IL15RA: variants seen among roughly 807,000 people sequenced by gnomAD.
The protein encoded by IL15RA is interleukin 15 receptor subunit alpha.
In IL15RA, 26 loss-of-function variants were observed where a neutral mutation model predicts 24.2. The observed-to-expected ratio is 1.07, with a 90% CI of 0.79 to 1.49. The LOEUF is 1.49. Among genes scored for constraint, IL15RA ranks in the 40% most tolerant of loss-of-function variants. The pLI, the probability that IL15RA is intolerant of heterozygous loss-of-function variation, is 0.00. For missense variants in IL15RA, 354 were observed against 356.4 expected, an observed-to-expected ratio of 0.99 and a Z score of 0.05; for synonymous variants, 166 against 157.6, an observed-to-expected ratio of 1.05 and a Z score of -0.40.
Position 5,966,066 on chromosome 10 carries a change from C to T in IL15RA, c.283+79G>A. ...CAGACCTCAGCACAGATCCCTTGAC[C>T]CCTGAGATGGGGTCTTCTCTCTGTG... On this transcript the variant is annotated intron_variant, in intron 2 of 6. Transcript: ENST00000379977. This position sits in a 1 kb window ranked among gnomAD's most constrained non-coding sequence, Gnocchi z 6.4. 9.7e-7 allele frequency: 1 copy of T among 1,027,848 alleles called. No individual in the cohort carries two copies. Among genetic ancestry groups the T allele is most frequent in the Non-Finnish European group, 1.5e-6 (1 of 676,860 alleles). 63.7% of individuals were successfully genotyped at this position (1,027,848 alleles called of 1,614,324 possible).
In IL15RA at chr10:5,965,198, T is replaced by G. The variant is rs949966612; in HGVS notation, c.283+947A>C. 6.6e-6 allele frequency among the ~76,000 whole-genome samples: 1 copy of G among 150,962 alleles called. No homozygotes were observed. Among genetic ancestry groups the G allele is most frequent in the Non-Finnish European group, 1.5e-5 (1 of 67,786 alleles). ...TCCCACCCGAGATGGTTTGGCTGCT[T>G]CTGGGACGTTTATCCAGGTGCAGAC... On this transcript the variant is annotated intron_variant, in intron 2 of 6. Transcript: ENST00000379977. This position sits in a 1 kb window ranked among gnomAD's most constrained non-coding sequence, Gnocchi z 5.8.
downstream of IL15RA, among the ~76,000 whole-genome samples, chr10:5,951,563 C>T (rs1194707279): frequency 5.9e-5 from 9 of 152,142 alleles, no homozygotes; most frequent in South Asian, 4.1e-4. Context: ...CCGTGGCTCA[C>T]GCCTGTAATC....
Position 5,963,774 on chromosome 10 carries a change from T to A in IL15RA, c.351A>T (p.Pro117=). 1 of 1,526,352 alleles carries A rather than the reference T, an allele frequency of 6.6e-7. No homozygotes were observed. Among genetic ancestry groups the A allele is most frequent in the Non-Finnish European group, 8.7e-7 (1 of 1,149,570 alleles). The allele number at this position is 1,526,352 out of a possible 1,614,324, so 94.6% of individuals were successfully genotyped here. Residue 117 remains proline, a synonymous_variant, in exon 3 of 7, where the codon CCA becomes CCT. Transcript: ENST00000379977. This position sits in a 1 kb window ranked among gnomAD's most constrained non-coding sequence, Gnocchi z 5.3. Reference sequence around the variant, plus strand: ...CAGAAGGGGAGAGGCTCTCTGGCTGTGGGGTCACCCCTGCCGTCGTTACTG... The same window carrying A: ...CAGAAGGGGAGAGGCTCTCTGGCTGAGGGGTCACCCCTGCCGTCGTTACTG... ...PSTVTTAGVT[P]QPESLSPSGK...
chr10:5,976,482 C>A (rs1214938106), intron 1 of IL15RA, among the ~76,000 whole-genome samples: 1 of 152,186 alleles, frequency 6.6e-6, no homozygotes, highest in African/African-American at 2.4e-5. Flanking sequence ...ACCCCAAAAT[C>A]ATATGCACAT....
downstream of IL15RA, chr10:5,950,798 C>T (rs1306832464): frequency 6.6e-6 from 1 of 152,556 alleles, no homozygotes; most frequent in East Asian, 1.9e-4. The surrounding 1 kb of genome is among the most constrained non-coding windows in gnomAD (Gnocchi z 5.6). Context: ...GGAGAAGCCT[C>T]CTCTGATTTT....
Position 5,973,434 on chromosome 10 carries a change from T to C in IL15RA, c.88+3971A>G, listed in dbSNP as rs866381812. On this transcript the variant is annotated intron_variant, in intron 1 of 6. Transcript: ENST00000379977. The surrounding 1 kb of genome is among the most constrained non-coding windows in gnomAD (Gnocchi z 4.5). ...TGACTTTTTAAAGTTTTTTAATTTC[T>C]AATTGTTCATTGTGAATGTATAGAA... Among the ~76,000 whole-genome samples the C allele has an allele frequency of 5.3e-5, 8 of 152,258 alleles. No homozygotes were observed. The highest frequency in any genetic ancestry group is 1.7e-4 in the African/African-American group (7 of 41,472).
At position 5,968,699 on chromosome 10, in the gene IL15RA, C is replaced by T; in HGVS notation, c.89-2360G>A. ...CACACTGATCTTCTGTCCTTCTCTACCTGCCTAAACCACAGAGTGTTATTT... is the reference window on the plus strand; with the variant it reads ...CACACTGATCTTCTGTCCTTCTCTATCTGCCTAAACCACAGAGTGTTATTT... On this transcript the variant is annotated intron_variant, in intron 1 of 6. Coordinates refer to ENST00000379977, the MANE Select transcript of IL15RA (RefSeq NM_002189.4). The surrounding 1 kb of genome is among the most constrained non-coding windows in gnomAD (Gnocchi z 5.4). The T allele has an allele frequency of 1.4e-6, 1 of 693,894 alleles. No homozygotes were observed. Among genetic ancestry groups the T allele is most frequent in the Admixed American group, 2.0e-5 (1 of 49,722 alleles). The allele number at this position is 693,894 out of a possible 1,614,324, so 43.0% of individuals were successfully genotyped here.
chr10:5,974,005 T>C (rs935038429), intron 1 of IL15RA, among the ~76,000 whole-genome samples: 1 of 148,868 alleles, frequency 6.7e-6, no homozygotes, highest in Non-Finnish European at 1.5e-5. Context: ...TAAGACAGAG[T>C]CAGAAAAAAA....
intron 1 of IL15RA, among the ~76,000 whole-genome samples, chr10:5,969,257 AT>A (rs1837161805): frequency 6.7e-6 from 1 of 150,088 alleles, no homozygotes; most frequent in South Asian, 2.1e-4. Flanking sequence ...TTTAAATTAA[AT>A]TTTTAAATTT....
At chr10:5,952,080 T>C (rs1429012174), downstream of IL15RA, among the ~76,000 whole-genome samples, 1 of 152,162 alleles carries the variant, frequency 6.6e-6, no homozygotes, top group Non-Finnish European at 1.5e-5. Context: ...AGGCCCATGA[T>C]TTTAGAAATA....
rs201490854 is a variant in IL15RA, at chr10:5,975,824, C to T, written c.88+1581G>A. ...AGCAGAATCGCTTGAACCCAGGAGG[C>T]GGAGGTTGCAGTGAGCTGAGATCGC... On this transcript the variant is annotated intron_variant, in intron 1 of 6. Transcript: ENST00000379977. This position sits in a 1 kb window ranked among gnomAD's most constrained non-coding sequence, Gnocchi z 4.8. Among the ~76,000 whole-genome samples the T allele has an allele frequency of 2.6e-5, 4 of 151,978 alleles. No homozygotes were observed. Among genetic ancestry groups the T allele is most frequent in the East Asian group, 1.9e-4 (1 of 5,148 alleles).
downstream of IL15RA, among the ~76,000 whole-genome samples, chr10:5,951,141 C>CAAAAAAAAAAAAAAAAA (rs60771366): frequency 3.1e-4 from 11 of 35,950 alleles, no homozygotes; most frequent in African/African-American, 5.9e-4. Context: ...GACTCAGTCT[C>CAAAAAAAAAAAAAAAAA]AAAAAAAAAA....
In IL15RA at chr10:5,952,730, G is replaced by C. The variant is rs1833987643; in HGVS notation, c.*365C>G. ...GGTATGTCACTTTTCTCTGTGAACT[G>C]AAAGTTAGGATGAGGGACGGAAGAT... On this transcript the variant is annotated 3_prime_UTR_variant, in exon 7 of 7. Transcript: ENST00000379977. The C allele has an allele frequency of 3.6e-6, 1 of 274,988 alleles. No homozygotes were observed. Among genetic ancestry groups the C allele is most frequent in the Non-Finnish European group, 6.9e-6 (1 of 145,320 alleles). 17.0% of individuals were successfully genotyped at this position (274,988 alleles called of 1,614,324 possible).
chr10:5,977,755 C>G (rs963241370), upstream of IL15RA: 2 of 817,904 alleles, frequency 2.4e-6, no homozygotes, highest in African/African-American at 3.6e-5. Context: ...GGGCCGTGCC[C>G]GGTGGGGACC....
At chr10:5,949,787 G>A (rs1383421664), downstream of IL15RA, among the ~76,000 whole-genome samples, 2 of 152,120 alleles carry the variant, frequency 1.3e-5, no homozygotes, top group African/African-American at 4.8e-5. This position sits in a 1 kb window ranked among gnomAD's most constrained non-coding sequence, Gnocchi z 4.4. Context: ...TTAAAAAAGT[G>A]GTGGGGGGAG....
In IL15RA at chr10:5,970,146, T is replaced by C. The variant is rs1837336617; in HGVS notation, c.89-3807A>G. ...GATTCCATTTTATCTCCTTTGTTGGTTATTAACTATAACTCGTTGTACTAG... is the reference window on the plus strand; with the variant it reads ...GATTCCATTTTATCTCCTTTGTTGGCTATTAACTATAACTCGTTGTACTAG... On this transcript the variant is annotated intron_variant, in intron 1 of 6. Coordinates refer to ENST00000379977, the MANE Select transcript of IL15RA (RefSeq NM_002189.4). The surrounding 1 kb of genome is among the most constrained non-coding windows in gnomAD (Gnocchi z 4.1). 6.6e-6 allele frequency among the ~76,000 whole-genome samples: 1 copy of C among 152,210 alleles called. No homozygotes were observed. Among genetic ancestry groups the C allele is most frequent in the East Asian group, 1.9e-4 (1 of 5,202 alleles).
rs1835664573 is a variant in IL15RA at position 5,962,042 on chromosome 10, A to G, written c.383-1475T>C. ...CTGTCACATCGGGGCTTCTGACTGC[A>G]CCATTGTGTCTCGACAATGGCCATC... On this transcript the variant is annotated intron_variant, in intron 3 of 6. Coordinates refer to ENST00000379977, the MANE Select transcript of IL15RA (RefSeq NM_002189.4). The surrounding 1 kb of genome is among the most constrained non-coding windows in gnomAD (Gnocchi z 5.2). Among the ~76,000 whole-genome samples the G allele has an allele frequency of 6.6e-6, 1 of 152,174 alleles. No individual in the cohort carries two copies. Among genetic ancestry groups the G allele is most frequent in the African/African-American group, 2.4e-5 (1 of 41,466 alleles).
chr10:5,952,378 T>TA (rs35524802), downstream of IL15RA: 1 of 152,786 alleles, frequency 6.5e-6, no homozygotes, highest in African/African-American at 2.4e-5. Flanking sequence ...TAATGCATTT[T>TA]AAAAATATTG....
At chr10:5,949,199 T>C (rs1349568914), downstream of IL15RA, 2 of 471,106 alleles carry the variant, frequency 4.2e-6, no homozygotes, top group Non-Finnish European at 8.8e-6. The surrounding 1 kb of genome is among the most constrained non-coding windows in gnomAD (Gnocchi z 4.4). Flanking sequence ...AGGAGCCTTG[T>C]AATTGACAGA....
Sources: allele counts gnomAD v4.1 joint callset (sites outside exome capture counted in the v4.1 genomes callset), GRCh38; gene constraint gnomAD v4.1.1; non-coding constraint Gnocchi (gnomAD v3.1); transcripts MANE v1.5; gene names NCBI Gene and HGNC (gene_info 2026-07-23, HGNC 2026-07-21).